MSH6: variants seen among roughly 807,000 people sequenced by gnomAD.
MSH6 encodes mutS homolog 6.
Under a neutral mutation model 119.1 loss-of-function variants are expected in MSH6, and 85 were observed. That is an observed-to-expected ratio of 0.71 (90% CI 0.60 to 0.85). The LOEUF (loss-of-function observed/expected upper bound fraction) is 0.85, where lower values mean the gene tolerates loss of function less well. Ranked by LOEUF, MSH6 falls within the 40% of genes least tolerant of loss-of-function variation. The probability of loss-of-function intolerance (pLI) is 0.00; values close to 1 mark genes in which losing one functional copy is unlikely to be tolerated. For synonymous variants in MSH6, 830 were observed against 586.9 expected (o/e 1.41, Z -5.99); for missense variants, 2,163 against 1,655.3 (o/e 1.31, Z -5.32).
intron 2 of MSH6, among the ~76,000 whole-genome samples, chr2:47,793,505 A>G (rs1197780022): frequency 6.6e-6 from 1 of 150,704 alleles, no homozygotes. Flanking sequence ...CTACTCGTGA[A>G]GCTGAGGCAG....
At position 47,798,726 on chromosome 2, in the gene MSH6, G is replaced by A. The variant is rs764870249; in HGVS notation, c.743G>A (p.Arg248Gln). 34 of 1,614,038 alleles carry A rather than the reference G, an allele frequency of 2.1e-5. No individual in the cohort carries two copies. The highest frequency in any genetic ancestry group is 4.0e-5 in the African/African-American group (3 of 74,918). The change falls in exon 4 of 10, where the codon CGA (arginine) becomes CAA (glutamine). Residue 248 changes from arginine to glutamine, a missense_variant. Arg to Gln is a conservative substitution (Grantham distance 43). Transcript: ENST00000234420. ...CGAAGTAGCCGCCAAATAAAAAAAC[G>A]AAGGGTCATATCAGATTCTGAGAGT... ...SRRSSRQIKK[R>Q]RVISDSESDI...
At chr2:47,791,156 G>T (rs1668707140) in intron 2 of MSH6, 33 bp downstream of exon 2, 1 of 883,366 alleles carries the variant, frequency 1.1e-6, no homozygotes, top group South Asian at 1.8e-5. Flanking sequence ...GTGTGTGTTT[G>T]TGTGTGTGTG....
chr2:47,793,833 C>T lies in MSH6; in HGVS notation c.458-2061C>T, dbSNP rs936178935. Among the ~76,000 whole-genome samples, 5 of 151,338 alleles carry T rather than the reference C, an allele frequency of 3.3e-5. 1 individual carries two copies. Among genetic ancestry groups the T allele is most frequent in the South Asian group, 4.2e-4 (2 of 4,796 alleles). On this transcript the variant is annotated intron_variant, in intron 2 of 9. Transcript: ENST00000234420. ...GCAACCTCTGCCTCCTGGGTTCAAG[C>T]GATTCTCCTGCCTCTGCCTCCCAAG...
At chr2:47,806,981 TTAAACCCTTTTAATTCTTATCTACC>T, downstream of MSH6, 1 of 772,484 alleles carries the variant, frequency 1.3e-6, no homozygotes, top group East Asian at 2.7e-5. Flanking sequence ...TTCTAGGAAA[TTAAACCCTTTTAATTCTTATCTACC>T]TTCTACATAA....
At chr2:47,805,049 T>G (rs906226405) in intron 6 of MSH6, 22 bp downstream of exon 6, 1 of 1,467,226 alleles carries the variant, frequency 6.8e-7, no homozygotes, top group African/African-American at 1.4e-5. Flanking sequence ...GTTTCCCACT[T>G]AAGTTCTCAT....
rs1669524994 is a variant in MSH6, at chr2:47,800,880, CCA to C, written c.2898_2899del (p.Ile967SerfsTer7). 6.2e-7 allele frequency: 1 copy of C among 1,611,900 alleles called. No individual in the cohort carries two copies. Among genetic ancestry groups the C allele is most frequent in the Non-Finnish European group, 8.5e-7 (1 of 1,179,260 alleles). On this transcript the variant is annotated frameshift_variant, in exon 4 of 10. Coordinates refer to ENST00000234420, the MANE Select transcript of MSH6 (RefSeq NM_000179.3). LOFTEE classifies it high-confidence loss of function. ...CAGCGCAACAGAATTGGCTGTAGGA[CCA>C]TAGTCTATTGGGGGATTGGTAGGAA...
downstream of MSH6, chr2:47,809,012 A>C (rs1037442655): frequency 8.8e-6 from 5 of 570,992 alleles, no homozygotes; most frequent in Non-Finnish European, 9.3e-6. Context: ...TACAGTCTTA[A>C]ACACGATCTT....
At chr2:47,798,452 T>G (rs894415073) in intron 3 of MSH6, among the ~76,000 whole-genome samples, 159 bp from the exon 4 acceptor site, 1 of 152,228 alleles carries the variant, frequency 6.6e-6, no homozygotes, top group Non-Finnish European at 1.5e-5. Context: ...TAATAAGGAA[T>G]TGCCTATCTC....
In MSH6 at chr2:47,800,929, T is replaced by G. The variant is rs751006944; in HGVS notation, c.2946T>G (p.Pro982=). Residue 982 remains proline, a synonymous_variant, in exon 4 of 10, where the codon CCT becomes CCG. Transcript: ENST00000234420. ...GGAACCGTTACCAGCTGGAAATTCC[T>G]GAGAATTTCACCACTCGCAATTTGC... ...IGRNRYQLEI[P]ENFTTRNLPE... The G allele has an allele frequency of 1.8e-5, 28 of 1,578,436 alleles. No homozygotes were observed. Among genetic ancestry groups the G allele is most frequent in the Non-Finnish European group, 2.6e-6 (3 of 1,163,972 alleles).
intron 3 of MSH6, 98 bp downstream of exon 3, chr2:47,796,161 T>G: frequency 5.8e-6 from 7 of 1,203,076 alleles, no homozygotes; most frequent in Non-Finnish European, 8.5e-6. Flanking sequence ...TATATATGTG[T>G]GTGTATATGT....
At chr2:47,809,685 T>G, downstream of MSH6, 2 of 1,613,306 alleles carry the variant, frequency 1.2e-6, no homozygotes, top group Non-Finnish European at 1.7e-6. Flanking sequence ...GTGTTGCAGT[T>G]GCGTGATTTG....
At chr2:47,798,460 C>A in intron 3 of MSH6, 151 bp from the exon 4 acceptor site, 1 of 761,486 alleles carries the variant, frequency 1.3e-6, no homozygotes, top group Non-Finnish European at 2.1e-6. Flanking sequence ...AATTGCCTAT[C>A]TCATGTAATT....
In MSH6 at chr2:47,798,290, T is replaced by A. The variant is rs539026479; in HGVS notation, c.628-321T>A. On this transcript the variant is annotated intron_variant, in intron 3 of 9. Transcript: ENST00000234420. ...ATGGGGTTATCCCATCCACAACTTA[T>A]GATGGGGTTACATAAACTAAAAACG... Among the ~76,000 whole-genome samples the A allele has an allele frequency of 1.5e-3, 233 of 152,334 alleles. 1 individual carries two copies. The highest frequency in any genetic ancestry group is 2.7e-3 in the Non-Finnish European group (187 of 68,030).
In MSH6 at chr2:47,798,652, T is replaced by C; in HGVS notation, c.669T>C (p.Asn223=). 1 of 1,612,932 alleles carries C rather than the reference T, an allele frequency of 6.2e-7. No individual in the cohort carries two copies. The change falls in exon 4 of 10, where the codon AAT becomes AAC. Residue 223 remains asparagine (N), a synonymous_variant. Transcript: ENST00000234420. ...TYVTDKSEED[N]EIESEEEVQP... is the part of the protein sequence containing the mutation. The stretch of plus-strand genomic sequence containing the variant: ...TAACAGATAAGAGTGAAGAAGATAA[T>C]GAAATTGAGAGTGAAGAGGAAGTAC...
chr2:47,786,467 T>C (rs1668354355), intron 1 of MSH6, among the ~76,000 whole-genome samples: 1 of 151,992 alleles, frequency 6.6e-6, no homozygotes, highest in Non-Finnish European at 1.5e-5. Flanking sequence ...CTCAAGTACC[T>C]GGTATTACAG....
chr2:47,802,307 C>T (rs546218906), intron 4 of MSH6, among the ~76,000 whole-genome samples: 3 of 152,206 alleles, frequency 2.0e-5, no homozygotes, highest in Admixed American at 6.5e-5. Flanking sequence ...GGAACCATTG[C>T]TGTTTTATAG....
At position 47,803,444 on chromosome 2, in the gene MSH6, A is replaced by G. The variant is rs372103816; in HGVS notation, c.3197A>G (p.Tyr1066Cys). Reference protein sequence around the residue: ...VLDVLLCLANYSRGGDGPMCR... With the variant: ...VLDVLLCLANCSRGGDGPMCR... ...GATGTTTTACTGTGCCTGGCTAACT[A>G]TAGTCGAGGGGGTGATGGTCCTATG... Residue 1066 changes from tyrosine to cysteine, a missense_variant, in exon 5 of 10, where the codon TAT becomes TGT. Coordinates refer to ENST00000234420, the MANE Select transcript of MSH6 (RefSeq NM_000179.3). 2.9e-5 allele frequency: 46 copies of G among 1,614,022 alleles called. No individual in the cohort carries two copies. The highest frequency in any genetic ancestry group is 4.4e-5 in the South Asian group (4 of 91,086).
rs1259754363 is a variant in MSH6 at position 47,805,602 on chromosome 2, T to A, written c.3557-16T>A. On this transcript the variant is annotated splice_polypyrimidine_tract_variant and intron_variant, in intron 6 of 9. Transcript: ENST00000234420. ...TTGCAAAATGAGTATTCATTTGTGA[T>A]TTTTTTTTTTTTAAGGTGAAAGTAC... The A allele has an allele frequency of 1.7e-6, 1 of 586,882 alleles. No individual in the cohort carries two copies. The highest frequency in any genetic ancestry group is 2.4e-6 in the Non-Finnish European group (1 of 408,392). The allele number at this position is 586,882 out of a possible 1,614,324, so 36.4% of individuals were successfully genotyped here. A position where few individuals can be genotyped will look rare whatever the true frequency, so the allele number is the denominator to read the frequency against.
Position 47,806,494 on chromosome 2 carries a change from A to C in MSH6, c.3844A>C (p.Thr1282Pro), listed in dbSNP as rs764507968. The change falls in exon 9 of 10, where the codon ACT (threonine) becomes CCT (proline). Residue 1282 changes from threonine to proline, a missense_variant. Transcript: ENST00000234420. ...TGAATGTGAAGACCCCAGCCAGGAGACTATTACGTTCCTCTATAAATTCAT... is the reference window on the plus strand; with the variant it reads ...TGAATGTGAAGACCCCAGCCAGGAGCCTATTACGTTCCTCTATAAATTCAT... ...ENECEDPSQETITFLYKFIKG... is the reference protein window; with the variant it reads ...ENECEDPSQEPITFLYKFIKG... 6.2e-7 allele frequency: 1 copy of C among 1,614,052 alleles called. No individual in the cohort carries two copies. The highest frequency in any genetic ancestry group is 1.7e-5 in the Admixed American group (1 of 60,008).
Sources: gnomAD v4.1 joint callset for allele counts (sites outside exome capture counted in the v4.1 genomes callset) on GRCh38, gnomAD v4.1.1 for gene constraint, MANE v1.5 for transcripts, NCBI Gene and HGNC (gene_info 2026-07-23, HGNC 2026-07-21) for gene names.